The following MTA3 variants were observed in gnomAD, a reference collection of about 807,000 sequenced individuals.
The protein encoded by MTA3 is metastasis-associated protein MTA3.
Under a neutral mutation model 83.5 loss-of-function variants are expected in MTA3, and 34 were observed. The ratio of observed to expected loss-of-function variants is 0.41; its 90% CI spans 0.31 to 0.54. The LOEUF is 0.54. Among genes scored for constraint, MTA3 ranks in the 20% least tolerant of loss-of-function variants. The probability of loss-of-function intolerance (pLI) is 0.33; values close to 1 mark genes in which losing one functional copy is unlikely to be tolerated. For synonymous variants in MTA3, 303 were observed against 252.7 expected (o/e 1.20, Z -1.89); for missense variants, 761 against 726.4 (o/e 1.05, Z -0.55).
intron 2 of MTA3, among the ~76,000 whole-genome samples, chr2:42,519,565 C>A (rs901850676): frequency 2.7e-5 from 4 of 150,774 alleles, no homozygotes; most frequent in Admixed American, 2.6e-4. Flanking sequence ...CAGATGGCAC[C>A]ACTGCACTCC....
intron 4 of MTA3, among the ~76,000 whole-genome samples, chr2:42,633,820 C>T (rs1292005287): frequency 2.1e-5 from 3 of 145,476 alleles, no homozygotes; most frequent in Non-Finnish European, 4.5e-5. Context: ...ACCCGGGAGG[C>T]GGAGCTTGCA....
intron 16 of MTA3, among the ~76,000 whole-genome samples, chr2:42,740,781 T>C (rs1668969599): frequency 6.6e-6 from 1 of 152,258 alleles, no homozygotes; most frequent in Non-Finnish European, 1.5e-5. Context: ...TGTTGTTCTA[T>C]TTATAAAGCA....
chr2:42,682,195 C>T (rs1375817362), intron 8 of MTA3, among the ~76,000 whole-genome samples: 1 of 151,942 alleles, frequency 6.6e-6, no homozygotes, highest in African/African-American at 2.4e-5. Context: ...TGCTCCCCTC[C>T]CCCCAAATAA....
At chr2:42,700,334 A>G (rs1693753221) in intron 11 of MTA3, among the ~76,000 whole-genome samples, 1 of 152,268 alleles carries the variant, frequency 6.6e-6, no homozygotes, top group African/African-American at 2.4e-5. Context: ...GATTGTCACA[A>G]TGACATCAAT....
intron 6 of MTA3, among the ~76,000 whole-genome samples, 162 bp downstream of exon 6, chr2:42,644,406 A>T: frequency 6.6e-6 from 1 of 152,162 alleles, no homozygotes; most frequent in East Asian, 1.9e-4. Context: ...TAAATAAATA[A>T]ATAGAGATGA....
At chr2:42,631,924 A>G (rs890351441) in intron 4 of MTA3, among the ~76,000 whole-genome samples, 1 of 152,060 alleles carries the variant, frequency 6.6e-6, no homozygotes, top group South Asian at 2.1e-4. Context: ...TCCTGACCTC[A>G]GGTGACCCAC....
At chr2:42,727,199 TAAAA>T (rs1465783203) in intron 16 of MTA3, among the ~76,000 whole-genome samples, 1 of 151,962 alleles carries the variant, frequency 6.6e-6, no homozygotes, top group Non-Finnish European at 1.5e-5. Flanking sequence ...TCCTGTCTCT[TAAAA>T]AGAAAGAAAG....
At chr2:42,550,454 G>C (rs1241725299) in intron 2 of MTA3, among the ~76,000 whole-genome samples, 1 of 152,302 alleles carries the variant, frequency 6.6e-6, no homozygotes, top group South Asian at 2.1e-4. Flanking sequence ...AGGTGTTAGT[G>C]CTCTGGGGAG....
At chr2:42,621,053 C>G (rs548420999) in intron 4 of MTA3, among the ~76,000 whole-genome samples, 1 of 140,686 alleles carries the variant, frequency 7.1e-6, no homozygotes, top group African/African-American at 2.6e-5. Context: ...TTTTATTTGT[C>G]AGTTATACCT....
chr2:42,600,832 T>G (rs1371770474), intron 3 of MTA3, among the ~76,000 whole-genome samples: 1 of 152,122 alleles, frequency 6.6e-6, no homozygotes, highest in Non-Finnish European at 1.5e-5. Flanking sequence ...TAAGCCACTG[T>G]GATTAGCTCA....
In MTA3 at chr2:42,665,962, A is replaced by G. The variant is rs534689731; in HGVS notation, c.702+6100A>G. On this transcript the variant is annotated intron_variant, in intron 8 of 16. Coordinates refer to ENST00000405094, the MANE Select transcript of MTA3 (RefSeq NM_001330442.2). ...GTGTCCTGGAACACCTCTGATTTCT[A>G]TGTTATATCTGATCTTTTAAAAGTG... Among the ~76,000 whole-genome samples the G allele has an allele frequency of 1.4e-4, 21 of 152,270 alleles. 1 individual carries two copies. The South Asian group carries it at 3.1e-3, about 23-fold the overall frequency.
rs139975341 is a variant in MTA3, at chr2:42,556,714, GT to G, written c.-140-13722del. Among the ~76,000 whole-genome samples the G allele has an allele frequency of 6.3e-3, 959 of 152,298 alleles. 8 individuals carry two copies. Among genetic ancestry groups the G allele is most frequent in the African/African-American group, 0.021 (875 of 41,558 alleles). The stretch of plus-strand genomic sequence containing the variant: ...AGGGAGTCAGTATGACAAGCAAGTG[GT>G]CCCCATGCCAGCCCAGATCTGAGGG... On this transcript the variant is annotated intron_variant, in intron 2 of 17. Coordinates refer to the MTA3 transcript ENST00000405592.
chr2:42,667,391 A>G (rs956537008), intron 8 of MTA3, among the ~76,000 whole-genome samples: 11 of 151,970 alleles, frequency 7.2e-5, no homozygotes, highest in Non-Finnish European at 1.3e-4. Context: ...CCTCATCCCC[A>G]TTAAACTCTA....
intron 4 of MTA3, among the ~76,000 whole-genome samples, chr2:42,636,090 G>A (rs1240530135): frequency 6.6e-6 from 1 of 152,076 alleles, no homozygotes; most frequent in Non-Finnish European, 1.5e-5. Context: ...TTTAAGTTTA[G>A]TGAACTTAAA....
At chr2:42,506,216 A>G (rs1010119607) in intron 2 of MTA3, among the ~76,000 whole-genome samples, 1 of 152,306 alleles carries the variant, frequency 6.6e-6, no homozygotes, top group Admixed American at 6.5e-5. Context: ...AGGCTGAGGC[A>G]GAAGAATTGT....
chr2:42,636,628 T>C (rs1311730511), intron 4 of MTA3, among the ~76,000 whole-genome samples: 1 of 142,504 alleles, frequency 7.0e-6, no homozygotes, highest in Non-Finnish European at 1.5e-5. Context: ...CTTTCTTTCT[T>C]TTTTTTTTTT....
chr2:42,691,766 T>C (rs929267826), intron 9 of MTA3, among the ~76,000 whole-genome samples: 1 of 152,238 alleles, frequency 6.6e-6, no homozygotes, highest in Non-Finnish European at 1.5e-5. Flanking sequence ...CCATCACGTT[T>C]GAAGGACATT....
chr2:42,655,312 A>G (rs1689068121), intron 6 of MTA3, among the ~76,000 whole-genome samples: 1 of 152,180 alleles, frequency 6.6e-6, no homozygotes, highest in African/African-American at 2.4e-5. Flanking sequence ...CTCATTCCAT[A>G]AAGTACTCCA....
At chr2:42,571,386 C>CAAAAAAA (rs34003791) in intron 2 of MTA3, among the ~76,000 whole-genome samples, 1 of 63,806 alleles carries the variant, frequency 1.6e-5, no homozygotes, top group Non-Finnish European at 2.9e-5. Context: ...AACACTGTCT[C>CAAAAAAA]AAAAAAAAAA....
Sources: gnomAD v4.1 joint callset for allele counts (sites outside exome capture counted in the v4.1 genomes callset) on GRCh38, gnomAD v4.1.1 for gene constraint, MANE v1.5 for transcripts, NCBI Gene and HGNC (gene_info 2026-07-23, HGNC 2026-07-21) for gene names.